Variants in OTUD7A observed in about 807,000 individuals in gnomAD.
OTUD7A encodes OTU domain-containing protein 7A.
In OTUD7A, 12 loss-of-function variants were observed where a neutral mutation model predicts 65.7. The observed-to-expected ratio is 0.18, with a 90% CI of 0.12 to 0.30. The LOEUF is 0.30. OTUD7A is among the 10% of genes least tolerant of loss of function. The probability of loss-of-function intolerance (pLI) is 1.00; values close to 1 mark genes in which losing one functional copy is unlikely to be tolerated. For synonymous variants in OTUD7A, 641 were observed against 586.3 expected (o/e 1.09, Z -1.35); for missense variants, 1,148 against 1,304.8 (o/e 0.88, Z 1.85).
intron 1 of OTUD7A, among the ~76,000 whole-genome samples, chr15:31,839,598 T>C (rs1897136041): frequency 6.6e-6 from 1 of 152,234 alleles, no homozygotes; most frequent in Non-Finnish European, 1.5e-5. Context: ...GAAGCACGTG[T>C]GAGAGCCCTG....
At chr15:31,579,464 G>T (rs555639570) in intron 3 of OTUD7A, among the ~76,000 whole-genome samples, 38 of 152,222 alleles carry the variant, frequency 2.5e-4, no homozygotes, top group African/African-American at 8.2e-4. Flanking sequence ...AACCGAGATG[G>T]CCACTTAGTG....
rs1262464721 is a variant in OTUD7A at position 31,655,086 on chromosome 15, G to A, written c.151+10C>T. On this transcript the variant is annotated intron_variant, in intron 3 of 12. Coordinates refer to ENST00000307050, the MANE Select transcript of OTUD7A (RefSeq NM_001382637.1). The stretch of plus-strand genomic sequence containing the variant: ...GAATGGTGGTGTGGGGAACAAGGAG[G>A]TGGGCTTACCTTCCAGCAGGTCTCT... The A allele has an allele frequency of 1.2e-6, 2 of 1,609,040 alleles. No individual in the cohort carries two copies. Among genetic ancestry groups the A allele is most frequent in the Non-Finnish European group, 8.5e-7 (1 of 1,178,382 alleles).
At chr15:31,792,667 A>T (rs933627020) in intron 1 of OTUD7A, among the ~76,000 whole-genome samples, 4 of 152,096 alleles carry the variant, frequency 2.6e-5, no homozygotes, top group Admixed American at 2.0e-4. Flanking sequence ...AGACTGTTTC[A>T]TTCTCTGCAC....
intron 1 of OTUD7A, chr15:31,766,011 T>C (rs1347611001): frequency 1.3e-6 from 2 of 1,554,190 alleles, no homozygotes; most frequent in Non-Finnish European, 1.8e-6. Flanking sequence ...AGCACTAATC[T>C]GCTTACCGTA....
At chr15:31,700,916 A>G (rs1045108558) in intron 1 of OTUD7A, among the ~76,000 whole-genome samples, 1 of 151,908 alleles carries the variant, frequency 6.6e-6, no homozygotes, top group African/African-American at 2.4e-5. Context: ...TGCCAGTATA[A>G]GACATATCAA....
chr15:31,536,883 A>C (rs762486297), intron 5 of OTUD7A, among the ~76,000 whole-genome samples: 1 of 152,236 alleles, frequency 6.6e-6, no homozygotes. Context: ...TAAAGGGTAC[A>C]CACATACAGT....
intron 1 of OTUD7A, among the ~76,000 whole-genome samples, chr15:31,676,646 C>T (rs1238146033): frequency 6.6e-6 from 1 of 152,170 alleles, no homozygotes; most frequent in East Asian, 1.9e-4. Flanking sequence ...GCAGTCAACC[C>T]AATGGTGCAC....
intron 3 of OTUD7A, among the ~76,000 whole-genome samples, chr15:31,649,111 C>T (rs1040374257): frequency 1.5e-4 from 23 of 152,188 alleles, no homozygotes; most frequent in African/African-American, 5.5e-4. Context: ...GGATTCAGGG[C>T]TTAAACATGA....
intron 1 of OTUD7A, among the ~76,000 whole-genome samples, chr15:31,757,757 G>C (rs1303051463): frequency 1.3e-5 from 2 of 152,050 alleles, no homozygotes; most frequent in Non-Finnish European, 2.9e-5. Flanking sequence ...CAGTTTATAT[G>C]GTAAATTAGA....
chr15:31,637,067 T>A (rs1441758498), intron 3 of OTUD7A, among the ~76,000 whole-genome samples: 1 of 152,166 alleles, frequency 6.6e-6, no homozygotes, highest in Non-Finnish European at 1.5e-5. Flanking sequence ...CTAGCTAACA[T>A]CGCTGATTAA....
chr15:31,639,146 A>C (rs1891437040), intron 3 of OTUD7A, among the ~76,000 whole-genome samples: 1 of 152,052 alleles, frequency 6.6e-6, no homozygotes, highest in South Asian at 2.1e-4. Context: ...GCTGCTTTGT[A>C]ATCCCCACTG....
chr15:31,562,870 C>A (rs1192855370), intron 4 of OTUD7A, among the ~76,000 whole-genome samples: 1 of 152,122 alleles, frequency 6.6e-6, no homozygotes, highest in East Asian at 1.9e-4. Context: ...CCAGATTGGG[C>A]TCACAGGTCT....
chr15:31,589,162 C>CAAGAA (rs1889640329), intron 3 of OTUD7A, among the ~76,000 whole-genome samples: 1 of 152,082 alleles, frequency 6.6e-6, no homozygotes, highest in African/African-American at 2.4e-5. Context: ...CATATACATA[C>CAAGAA]ACGCATATTA....
chr15:31,753,891 T>C (rs28882084), intron 1 of OTUD7A, among the ~76,000 whole-genome samples: 104,266 of 151,066 alleles, frequency 0.69, 36,519 homozygotes, highest in South Asian at 0.8. Flanking sequence ...AGCAGTGGGA[T>C]TGCTGGATCA....
chr15:31,500,364 C>T (rs1595559443), intron 10 of OTUD7A, among the ~76,000 whole-genome samples: 1 of 152,254 alleles, frequency 6.6e-6, no homozygotes, highest in Non-Finnish European at 1.5e-5. Flanking sequence ...ATTCTTGTCA[C>T]GGCCGGCTGT....
chr15:31,641,865 T>C (rs1441747525), intron 3 of OTUD7A, among the ~76,000 whole-genome samples: 2 of 152,182 alleles, frequency 1.3e-5, no homozygotes, highest in Non-Finnish European at 2.9e-5. Flanking sequence ...TGAATAAAGA[T>C]AGTTTGCTTC....
At chr15:31,585,798 G>A (rs1889517229) in intron 3 of OTUD7A, among the ~76,000 whole-genome samples, 4 of 152,108 alleles carry the variant, frequency 2.6e-5, no homozygotes, top group Non-Finnish European at 5.9e-5. Flanking sequence ...CACTATTTGA[G>A]CTTGGAGAAA....
intron 3 of OTUD7A, among the ~76,000 whole-genome samples, chr15:31,616,793 C>T (rs1301975622): frequency 6.6e-6 from 1 of 152,134 alleles, no homozygotes; most frequent in Non-Finnish European, 1.5e-5. Flanking sequence ...ATCTGCCCAC[C>T]TCGGCCTCCC....
intron 1 of OTUD7A, among the ~76,000 whole-genome samples, chr15:31,867,970 G>C (rs999689197): frequency 1.3e-5 from 2 of 152,180 alleles, no homozygotes; most frequent in African/African-American, 4.8e-5. Context: ...CCTCAACTTG[G>C]AGATCCACTC....
Sources: allele counts gnomAD v4.1 joint callset (sites outside exome capture counted in the v4.1 genomes callset), GRCh38; gene constraint gnomAD v4.1.1; transcripts MANE v1.5; gene names NCBI Gene and HGNC (gene_info 2026-07-23, HGNC 2026-07-21).